HNRNPAB: variants seen among roughly 807,000 people sequenced by gnomAD.
HNRNPAB encodes the protein heterogeneous nuclear ribonucleoprotein A/B.
HNRNPAB carries 17 observed loss-of-function variants against 44.1 expected under a neutral mutation model. The observed-to-expected ratio is 0.39, with a 90% CI of 0.26 to 0.58. The LOEUF (loss-of-function observed/expected upper bound fraction) is 0.58. Ranked by LOEUF, HNRNPAB falls within the 20% of genes least tolerant of loss-of-function variation. The pLI, the probability that HNRNPAB is intolerant of heterozygous loss-of-function variation, is 0.63. For missense variants in HNRNPAB, 393 were observed against 432.7 expected (o/e 0.91, Z 0.81); for synonymous variants, 183 against 167.6 (o/e 1.09, Z -0.71).
chr5:178,205,998 C>T lies in HNRNPAB; in HGVS notation c.366C>T (p.Ala122=), dbSNP rs1019414486. 2 of 1,613,822 alleles carry T rather than the reference C, an allele frequency of 1.2e-6. No individual in the cohort carries two copies. Among genetic ancestry groups the T allele is most frequent in the Non-Finnish European group, 1.7e-6 (2 of 1,179,842 alleles). Reference sequence around the variant, plus strand: ...GGTTTATCCTGTTCAAAGATGCAGCCAGTGTGGAGAAGGTAAGCTGGGTAC... The same window carrying T: ...GGTTTATCCTGTTCAAAGATGCAGCTAGTGTGGAGAAGGTAAGCTGGGTAC... ...GFGFILFKDA[A]SVEKVLDQKE... Residue 122 remains alanine (A), a synonymous_variant, in exon 3 of 8, where the codon GCC becomes GCT. Transcript: ENST00000358344.
In HNRNPAB at chr5:178,206,884, T is replaced by G. The variant is rs1757085554; in HGVS notation, c.531T>G (p.Phe177Leu). ...AGATCAGGGAGTACTTTGGCGAGTT[T>G]GGGGAGGTGAGTGTGGCTCTGGGAA... ...EEKIREYFGEFGEIEAIELPM... is the reference protein window; with the variant it reads ...EEKIREYFGELGEIEAIELPM... Residue 177 changes from phenylalanine to leucine, a missense_variant, in exon 4 of 8, where the codon TTT becomes TTG. Phe to Leu is a conservative substitution (Grantham distance 22, BLOSUM62 0). This residue lies in a region of HNRNPAB where 102 missense variants were observed against 162.3 expected (regional missense o/e 0.63). Transcript: ENST00000358344. The G allele has an allele frequency of 6.2e-7, 1 of 1,614,038 alleles. No individual in the cohort carries two copies.
Position 178,207,109 on chromosome 5 carries a change from T to C in HNRNPAB, c.553T>C (p.Leu185=), listed in dbSNP as rs751423601. The change falls in exon 5 of 8, where the codon TTG becomes CTG. Residue 185 remains leucine (L), a synonymous_variant. Coordinates refer to ENST00000358344, the MANE Select transcript of HNRNPAB (RefSeq NM_031266.3). ...GEFGEIEAIE[L]PMDPKLNKRR... ...CTTTTTGCAGATTGAGGCCATTGAA[T>C]TGCCAATGGATCCAAAGTTGAACAA... 6.8e-6 allele frequency: 11 copies of C among 1,614,042 alleles called. No individual in the cohort carries two copies. The South Asian group carries it at 1.1e-4, about 16-fold the overall frequency.
chr5:178,205,661 G>C, intron 2 of HNRNPAB, 181 bp from the exon 3 acceptor site: 1 of 597,660 alleles, frequency 1.7e-6, no homozygotes, highest in South Asian at 2.3e-5. Flanking sequence ...GTTAAGCCTC[G>C]TTAGGGTCCT....
rs1265146832 is a variant in HNRNPAB, at chr5:178,206,894, A to T, written c.537+4A>T. ...GTACTTTGGCGAGTTTGGGGAGGTGAGTGTGGCTCTGGGAATAGCCCATCA... is the reference window on the plus strand; with the variant it reads ...GTACTTTGGCGAGTTTGGGGAGGTGTGTGTGGCTCTGGGAATAGCCCATCA... On this transcript the variant is annotated splice_donor_region_variant and intron_variant, in intron 4 of 7. Coordinates refer to ENST00000358344, the MANE Select transcript of HNRNPAB (RefSeq NM_031266.3). The T allele has an allele frequency of 1.2e-6, 2 of 1,613,972 alleles. No homozygotes were observed. The highest frequency in any genetic ancestry group is 1.7e-6 in the Non-Finnish European group (2 of 1,179,956).
chr5:178,205,388 G>C (rs1192093995), intron 2 of HNRNPAB, among the ~76,000 whole-genome samples: 1 of 152,128 alleles, frequency 6.6e-6, no homozygotes, highest in Non-Finnish European at 1.5e-5. Context: ...CGGCGGCTGC[G>C]TGGGCGGAGT....
chr5:178,204,931 G>T lies in HNRNPAB; in HGVS notation c.94G>T (p.Ala32Ser), dbSNP rs1581155324. Residue 32 changes from alanine (A) to serine (S), a missense_variant, in exon 2 of 8, where the codon GCT (alanine) becomes TCT (serine). Ala to Ser is a moderately conservative substitution (Grantham distance 99). Transcript: ENST00000358344. ...AVPEGESPAGAGTGAAAGAGG... is the reference protein window; with the variant it reads ...AVPEGESPAGSGTGAAAGAGG... Reference sequence around the variant, plus strand: ...CCCCGAAGGCGAGTCGCCGGCCGGGGCTGGCACGGGCGCCGCGGCGGGGGC... The same window carrying T: ...CCCCGAAGGCGAGTCGCCGGCCGGGTCTGGCACGGGCGCCGCGGCGGGGGC... The T allele has an allele frequency of 1.8e-5, 22 of 1,210,404 alleles. No individual in the cohort carries two copies. The East Asian group carries it at 7.0e-4, about 39-fold the overall frequency. The allele number at this position is 1,210,404 out of a possible 1,614,324, so 75.0% of individuals were successfully genotyped here.
chr5:178,204,966 G>T lies in HNRNPAB; in HGVS notation c.129G>T (p.Ala43=). ...GCGCCGCGGCGGGGGCTGGAGGCGC[G>T]ACCGCGGCGCCCCCGAGCGGGAATC... ...GTGAAAGAGG[A]TAAPPSGNQN... is the part of the protein sequence containing the mutation. The change falls in exon 2 of 8, where the codon GCG becomes GCT. Residue 43 remains alanine, a synonymous_variant. Transcript: ENST00000358344. The T allele has an allele frequency of 8.3e-7, 1 of 1,209,922 alleles. No individual in the cohort carries two copies. The highest frequency in any genetic ancestry group is 1.0e-6 in the Non-Finnish European group (1 of 973,906). 74.9% of individuals were successfully genotyped at this position (1,209,922 alleles called of 1,614,324 possible).
intron 5 of HNRNPAB, among the ~76,000 whole-genome samples, chr5:178,207,863 T>A (rs949050268): frequency 2.0e-5 from 3 of 151,986 alleles, no homozygotes; most frequent in Non-Finnish European, 4.4e-5. Context: ...CCACCATGCC[T>A]GGCTCATATG....
chr5:178,205,874 C>T lies in HNRNPAB; in HGVS notation c.242C>T (p.Thr81Ile). 6.2e-7 allele frequency: 1 copy of T among 1,614,010 alleles called. No homozygotes were observed. Among genetic ancestry groups the T allele is most frequent in the Non-Finnish European group, 8.5e-7 (1 of 1,179,940 alleles). Residue 81 changes from threonine to isoleucine, a missense_variant, in exon 3 of 8, where the codon ACT (threonine) becomes ATT (isoleucine). Coordinates refer to ENST00000358344, the MANE Select transcript of HNRNPAB (RefSeq NM_031266.3). ...TTCGTTGGTGGCCTGAGCTGGGATA[C>T]TAGCAAAAAAGATTTAAAAGACTAT... ...KMFVGGLSWDTSKKDLKDYFT... is the reference protein window; with the variant it reads ...KMFVGGLSWDISKKDLKDYFT...
In HNRNPAB at chr5:178,210,600, C is replaced by G; in HGVS notation, c.976C>G (p.Gln326Glu). Residue 326 changes from glutamine to glutamate, a missense_variant, in exon 8 of 8, where the codon CAG becomes GAG. Physicochemically the swap from Gln to Glu is conservative, Grantham distance 29. Transcript: ENST00000358344. ...YGKSQRRGGH[Q>E]NNYKPY ...CAAGAGCCAGCGACGTGGTGGCCAT[C>G]AGAATAACTACAAGCCATACTGAGG... The G allele has an allele frequency of 1.2e-6, 2 of 1,614,044 alleles. No individual in the cohort carries two copies. The highest frequency in any genetic ancestry group is 8.5e-7 in the Non-Finnish European group (1 of 1,179,924).
chr5:178,204,955 G>T lies in HNRNPAB; in HGVS notation c.118G>T (p.Ala40Ser). Residue 40 changes from alanine to serine, a missense_variant, in exon 2 of 8, where the codon GCT becomes TCT. Physicochemically the swap from Ala to Ser is moderately conservative, Grantham distance 99. Coordinates refer to ENST00000358344, the MANE Select transcript of HNRNPAB (RefSeq NM_031266.3). ...GGCTGGCACGGGCGCCGCGGCGGGG[G>T]CTGGAGGCGCGACCGCGGCGCCCCC... The part of the protein sequence containing the change: ...AGAGTGAAAG[A>S]GGATAAPPSG... 2.5e-6 allele frequency: 3 copies of T among 1,210,252 alleles called. No homozygotes were observed. Among genetic ancestry groups the T allele is most frequent in the Non-Finnish European group, 3.1e-6 (3 of 974,068 alleles). The allele number at this position is 1,210,252 out of a possible 1,614,324, so 75.0% of individuals were successfully genotyped here.
At chr5:178,205,149 G>A (rs986513125) in intron 2 of HNRNPAB, 103 bp downstream of exon 2, 1 of 823,260 alleles carries the variant, frequency 1.2e-6, no homozygotes, top group African/African-American at 1.8e-5. Flanking sequence ...GCCCGGGTCG[G>A]GGCTGGTGCG....
At chr5:178,206,070 A>T (rs537589961) in intron 3 of HNRNPAB, 60 bp downstream of exon 3, 1 of 1,482,908 alleles carries the variant, frequency 6.7e-7, no homozygotes, top group East Asian at 2.3e-5. Context: ...CTAAGAGGAC[A>T]CCTTTCTTAA....
chr5:178,209,044 G>A, intron 5 of HNRNPAB: 1 of 377,816 alleles, frequency 2.6e-6, no homozygotes, highest in Admixed American at 4.0e-5. Context: ...GCTCCCCTGG[G>A]CTGCAGTTGG....
intron 7 of HNRNPAB, 89 bp from the exon 8 acceptor site, chr5:178,210,464 G>T: frequency 1.3e-6 from 2 of 1,495,896 alleles, no homozygotes; most frequent in Non-Finnish European, 1.9e-6. Flanking sequence ...TGTCACGGCT[G>T]GTGAGGGTCC....
intron 6 of HNRNPAB, 45 bp downstream of exon 6, chr5:178,209,492 A>T (rs753785383): frequency 6.5e-7 from 1 of 1,532,562 alleles, no homozygotes; most frequent in East Asian, 2.3e-5. Context: ...CCCTGCCTAC[A>T]TGGAGCCTTC....
At chr5:178,205,350 CG>C (rs1266528230) in intron 2 of HNRNPAB, among the ~76,000 whole-genome samples, 5 of 151,804 alleles carry the variant, frequency 3.3e-5, no homozygotes, top group Non-Finnish European at 7.4e-5. Flanking sequence ...CGCTCGGACC[CG>C]GGGCCCGGCG....
At chr5:178,209,167 T>C (rs1428991360) in intron 5 of HNRNPAB, among the ~76,000 whole-genome samples, 163 bp from the exon 6 acceptor site, 1 of 152,230 alleles carries the variant, frequency 6.6e-6, no homozygotes, top group Non-Finnish European at 1.5e-5. Flanking sequence ...TTAGTTGGGA[T>C]TCCATGAGCT....
At chr5:178,207,764 A>ACAAT (rs1403589583) in intron 5 of HNRNPAB, among the ~76,000 whole-genome samples, 1 of 146,970 alleles carries the variant, frequency 6.8e-6, no homozygotes, top group Non-Finnish European at 1.5e-5. Context: ...GTGCGGTAAC[A>ACAAT]CAATCATGGC....
Sources: gnomAD v4.1 joint callset for allele counts (sites outside exome capture counted in the v4.1 genomes callset) on GRCh38, gnomAD v4.1.1 for gene constraint, gnomAD v4.1.1 regional missense constraint, MANE v1.5 for transcripts, NCBI Gene and HGNC (gene_info 2026-07-23, HGNC 2026-07-21) for gene names.